FUT9: variants seen among roughly 807,000 people sequenced by gnomAD.
The protein encoded by FUT9 is fucosyltransferase 9.
FUT9 carries 15 observed loss-of-function variants against 29.7 expected under a neutral mutation model. That is an observed-to-expected ratio of 0.51 (90% confidence interval 0.34 to 0.78). The LOEUF is 0.78. Ranked by LOEUF, FUT9 falls within the 30% of genes least tolerant of loss-of-function variation. The pLI, the probability that FUT9 is intolerant of heterozygous loss-of-function variation, is 0.01. For missense variants in FUT9, 319 were observed against 425.4 expected, an observed-to-expected ratio of 0.75 and a Z score of 2.20; for synonymous variants, 169 against 153.7, an observed-to-expected ratio of 1.10 and a Z score of -0.74.
chr6:96,037,501 C>T (rs1161456865), intron 1 of FUT9: 1 of 151,814 alleles, frequency 6.6e-6, no homozygotes, highest in Admixed American at 6.6e-5. Context: ...AATATTTGGC[C>T]TGGATTAAAG....
chr6:96,040,858 G>C (rs1343007850), intron 1 of FUT9, among the ~76,000 whole-genome samples: 4 of 152,084 alleles, frequency 2.6e-5, no homozygotes, highest in Admixed American at 1.3e-4. Context: ...TGTTATAGCA[G>C]TTTCTTTGTA....
intron 2 of FUT9, among the ~76,000 whole-genome samples, chr6:96,152,699 C>T (rs1272842768): frequency 1.3e-5 from 2 of 152,120 alleles, no homozygotes; most frequent in African/African-American, 2.4e-5. Context: ...CACTGATTCT[C>T]TATGTAGTCA....
rs375281387 is a variant in FUT9 at position 96,102,007 on chromosome 6, C to T, written c.-97-12032C>T. ...TTGATATCACATATGGATATGTATG[C>T]ACGTGTGTGTAAAAATATGTGTGTA... On this transcript the variant is annotated intron_variant, in intron 1 of 2. Transcript: ENST00000302103. Among the ~76,000 whole-genome samples the T allele has an allele frequency of 2.0e-4, 30 of 152,070 alleles. No individual in the cohort carries two copies. In the South Asian group the frequency reaches 5.0e-3, roughly 25 times the overall value.
chr6:96,022,786 A>G (rs1770096898), intron 1 of FUT9, among the ~76,000 whole-genome samples: 1 of 151,872 alleles, frequency 6.6e-6, no homozygotes, highest in Admixed American at 6.6e-5. Context: ...GACAGTCATA[A>G]GGTCTTCAGG....
At chr6:96,143,011 A>G (rs1373840096) in intron 2 of FUT9, among the ~76,000 whole-genome samples, 1 of 152,190 alleles carries the variant, frequency 6.6e-6, no homozygotes, top group Non-Finnish European at 1.5e-5. Context: ...TATTTTGTCT[A>G]CATTTCAGAA....
chr6:96,191,065 T>G (rs1773498670), intron 2 of FUT9, among the ~76,000 whole-genome samples: 1 of 152,152 alleles, frequency 6.6e-6, no homozygotes. Context: ...TTGATGATGG[T>G]GACATACAGA....
intron 2 of FUT9, among the ~76,000 whole-genome samples, chr6:96,145,552 G>C (rs1016255582): frequency 1.3e-5 from 2 of 152,174 alleles, no homozygotes; most frequent in African/African-American, 4.8e-5. Context: ...GGATAGTAAT[G>C]AATGCTAAAG....
chr6:96,215,125 A>C lies in FUT9; in HGVS notation c.*10890A>C, dbSNP rs1266882794. 1 of 167,026 alleles carries C rather than the reference A, an allele frequency of 6.0e-6. No individual in the cohort carries two copies. Among genetic ancestry groups the C allele is most frequent in the Non-Finnish European group, 1.5e-5 (1 of 68,098 alleles). 10.3% of individuals were successfully genotyped at this position (167,026 alleles called of 1,614,324 possible). A position where few individuals can be genotyped will look rare whatever the true frequency, so the allele number is the denominator to read the frequency against. ...CCCTTCATTGATTGAAACTGTAAAT[A>C]ACATAACACTTTAAGGCAGCTAAGC... On this transcript the variant is annotated 3_prime_UTR_variant, in exon 3 of 3. Coordinates refer to ENST00000302103, the MANE Select transcript of FUT9 (RefSeq NM_006581.4).
chr6:96,168,574 T>C (rs986671189), intron 2 of FUT9, among the ~76,000 whole-genome samples: 2 of 152,130 alleles, frequency 1.3e-5, no homozygotes, highest in African/African-American at 4.8e-5. Flanking sequence ...CCATTAAACT[T>C]GGGAAATAGA....
chr6:96,194,573 G>A (rs1198477738), intron 2 of FUT9, among the ~76,000 whole-genome samples: 1 of 152,100 alleles, frequency 6.6e-6, no homozygotes, highest in Non-Finnish European at 1.5e-5. Context: ...GTTAGGTGTG[G>A]ATATGAAGGA....
chr6:96,058,277 C>T (rs1770810847), intron 1 of FUT9, among the ~76,000 whole-genome samples: 1 of 151,928 alleles, frequency 6.6e-6, no homozygotes, highest in African/African-American at 2.4e-5. Flanking sequence ...GGTTTGATTC[C>T]TCACTGAGCA....
intron 2 of FUT9, among the ~76,000 whole-genome samples, chr6:96,188,700 T>C (rs1343139198): frequency 1.2e-5 from 1 of 83,220 alleles, no homozygotes; most frequent in African/African-American, 3.4e-5. Context: ...TTAACAAATA[T>C]ATATTATTTG....
chr6:96,018,969 A>T (rs531649923), intron 1 of FUT9, among the ~76,000 whole-genome samples: 1 of 151,968 alleles, frequency 6.6e-6, no homozygotes, highest in African/African-American at 2.4e-5. Flanking sequence ...TAAAAGTTCT[A>T]TTATTTGGTA....
Position 96,180,808 on chromosome 6 carries a change from A to G in FUT9, c.-8-22340A>G, listed in dbSNP as rs563851435. 1.4e-3 allele frequency among the ~76,000 whole-genome samples: 206 copies of G among 152,122 alleles called. 1 individual carries two copies. Among genetic ancestry groups the G allele is most frequent in the African/African-American group, 4.0e-3 (168 of 41,538 alleles). On this transcript the variant is annotated intron_variant, in intron 2 of 2. Coordinates refer to ENST00000302103, the MANE Select transcript of FUT9 (RefSeq NM_006581.4). The stretch of plus-strand genomic sequence containing the variant: ...ATGGCTAAACAGTATTCTATTGTGT[A>G]TATTTTCTTTATCCATTCATTTGTT...
Position 96,115,961 on chromosome 6 carries a change from G to GA in FUT9, c.-9+1842dup, listed in dbSNP as rs540258549. On this transcript the variant is annotated intron_variant, in intron 2 of 2. Transcript: ENST00000302103. ...CCTCATTACAATGAGTAAATCAATAGAAAAAAAATCTAACATTTAAAAAAA... is the reference window on the plus strand; with the variant it reads ...CCTCATTACAATGAGTAAATCAATAGAAAAAAAAATCTAACATTTAAAAAAA... Among the ~76,000 whole-genome samples, 361 of 151,182 alleles carry GA rather than the reference G, an allele frequency of 2.4e-3. 1 individual carries two copies. The highest frequency in any genetic ancestry group is 8.5e-3 in the African/African-American group (352 of 41,248).
chr6:96,069,574 A>G (rs995518280), intron 1 of FUT9, among the ~76,000 whole-genome samples: 3 of 152,066 alleles, frequency 2.0e-5, no homozygotes, highest in Non-Finnish European at 2.9e-5. Flanking sequence ...GATAATTTCA[A>G]GGAAGATTAG....
intron 1 of FUT9, among the ~76,000 whole-genome samples, chr6:96,046,665 T>C (rs1434563664): frequency 6.6e-6 from 1 of 152,188 alleles, no homozygotes; most frequent in Non-Finnish European, 1.5e-5. Flanking sequence ...ATACAAGCTT[T>C]GTAAGAGAAG....
At chr6:96,075,103 A>G (rs1373087590) in intron 1 of FUT9, among the ~76,000 whole-genome samples, 1 of 152,068 alleles carries the variant, frequency 6.6e-6, no homozygotes, top group Admixed American at 6.6e-5. Context: ...TTTTTAGGCA[A>G]TACACCTATG....
chr6:96,144,943 C>T (rs1478034584), intron 2 of FUT9, among the ~76,000 whole-genome samples: 2 of 152,184 alleles, frequency 1.3e-5, no homozygotes, highest in African/African-American at 2.4e-5. Context: ...TGTAGTGTCT[C>T]ATAACTTAAG....
Sources: gnomAD v4.1 joint callset for allele counts (sites outside exome capture counted in the v4.1 genomes callset) on GRCh38, gnomAD v4.1.1 for gene constraint, MANE v1.5 for transcripts, NCBI Gene and HGNC (gene_info 2026-07-23, HGNC 2026-07-21) for gene names.